Variants in STARD13 observed in about 807,000 individuals in gnomAD.
STARD13 encodes stAR-related lipid transfer protein 13.
In STARD13, 62 loss-of-function variants were observed where a neutral mutation model predicts 106.4. The ratio of observed to expected loss-of-function variants is 0.58; its 90% confidence interval spans 0.48 to 0.72. STARD13 has a LOEUF of 0.72. Among genes scored for constraint, STARD13 ranks in the 30% least tolerant of loss-of-function variants. The pLI is 0.00. For missense variants in STARD13, 1,387 were observed against 1,424.0 expected, an observed-to-expected ratio of 0.97 and a Z score of 0.42; for synonymous variants, 565 against 553.0, an observed-to-expected ratio of 1.02 and a Z score of -0.31.
At chr13:33,327,685 A>G (rs1343904593) in intron 1 of STARD13, among the ~76,000 whole-genome samples, 1 of 152,254 alleles carries the variant, frequency 6.6e-6, no homozygotes, top group Non-Finnish European at 1.5e-5. Context: ...GGTGATTTTT[A>G]TAATCAGTAT....
chr13:33,431,744 C>T, the STARD13 span, among the ~76,000 whole-genome samples: 1 of 152,102 alleles, frequency 6.6e-6, no homozygotes, highest in Admixed American at 6.6e-5. Context: ...TATTGCTTAC[C>T]TTACAGGGTG....
intron 1 of STARD13, among the ~76,000 whole-genome samples, chr13:33,200,626 C>T (rs1382940318): frequency 6.6e-6 from 1 of 152,196 alleles, no homozygotes; most frequent in East Asian, 1.9e-4. Flanking sequence ...TGGAAGTTGG[C>T]ACTCCTTCAC....
the STARD13 span, among the ~76,000 whole-genome samples, chr13:33,628,947 C>T: frequency 6.6e-6 from 1 of 152,212 alleles, no homozygotes; most frequent in African/African-American, 2.4e-5. Flanking sequence ...TGCTCAGTGC[C>T]AATGATCAAT....
At chr13:33,316,771 C>T (rs532159914) in intron 1 of STARD13, among the ~76,000 whole-genome samples, 29 of 152,300 alleles carry the variant, frequency 1.9e-4, no homozygotes, top group Admixed American at 4.6e-4. Context: ...TCTTCATCTC[C>T]CTCTCTATCC....
At chr13:33,331,701 G>T (rs1414787405) in intron 1 of STARD13, among the ~76,000 whole-genome samples, 1 of 151,910 alleles carries the variant, frequency 6.6e-6, no homozygotes, top group African/African-American at 2.4e-5. Context: ...CTTGTCCTAA[G>T]TTCCTTGAGT....
chr13:33,111,697 C>G, intron 10 of STARD13, 81 bp downstream of exon 10: 3 of 852,822 alleles, frequency 3.5e-6, no homozygotes, highest in Admixed American at 3.9e-5. Context: ...AGATAGAAAC[C>G]ATAAATGTAG....
At chr13:33,230,955 G>A (rs1226548789) in intron 1 of STARD13, among the ~76,000 whole-genome samples, 1 of 152,116 alleles carries the variant, frequency 6.6e-6, no homozygotes, top group Non-Finnish European at 1.5e-5. Flanking sequence ...GAATGTTGTG[G>A]GCATATAAAG....
intron 1 of STARD13, among the ~76,000 whole-genome samples, chr13:33,293,371 T>C (rs1247426736): frequency 6.6e-6 from 1 of 152,202 alleles, no homozygotes; most frequent in Non-Finnish European, 1.5e-5. Context: ...GAATAAATGA[T>C]TATATGAATT....
the STARD13 span, among the ~76,000 whole-genome samples, chr13:33,632,585 AG>A: frequency 6.6e-6 from 1 of 152,194 alleles, no homozygotes; most frequent in African/African-American, 2.4e-5. Context: ...TGGGAGCAAA[AG>A]CTTTTGGTGC....
intron 1 of STARD13, among the ~76,000 whole-genome samples, chr13:33,256,136 G>T (rs1421466705): frequency 6.6e-6 from 1 of 152,150 alleles, no homozygotes; most frequent in African/African-American, 2.4e-5. Context: ...TTCAAATTTG[G>T]CTTCGTGGCG....
the STARD13 span, among the ~76,000 whole-genome samples, chr13:33,422,365 A>C: frequency 5.3e-5 from 8 of 150,276 alleles, no homozygotes; most frequent in African/African-American, 2.0e-4. Context: ...AAGAGAATAA[A>C]ATACCTAGGA....
chr13:33,488,664 A>G, the STARD13 span, among the ~76,000 whole-genome samples: 6 of 152,206 alleles, frequency 3.9e-5, no homozygotes, highest in African/African-American at 1.4e-4. Flanking sequence ...TGATCATACA[A>G]ACACTTTCAA....
chr13:33,250,414 A>G (rs1890043152), intron 1 of STARD13, among the ~76,000 whole-genome samples: 1 of 152,202 alleles, frequency 6.6e-6, no homozygotes, highest in Non-Finnish European at 1.5e-5. Flanking sequence ...ATTCTCGCAA[A>G]AACAGTATTC....
In STARD13 at chr13:33,127,461, G is replaced by A; in HGVS notation, c.1834C>T (p.Gln612Ter). ...GAGAAGCGCTGGAGCAGGCTCAGCTGGCTGGCCGTCTGGCTGCTGATGTGG... is the reference window on the plus strand; with the variant it reads ...GAGAAGCGCTGGAGCAGGCTCAGCTAGCTGGCCGTCTGGCTGCTGATGTGG... ...SPHISSQTAS[Q>*]LSLLQRFSLL... Residue 612 changes from glutamine to a stop codon, truncating the protein, a stop_gained, in exon 6 of 14, where the codon CAG becomes TAG. Coordinates refer to ENST00000336934, the MANE Select transcript of STARD13 (RefSeq NM_178006.4). LOFTEE classifies it high-confidence loss of function. 6.2e-7 allele frequency: 1 copy of A among 1,600,636 alleles called. No homozygotes were observed. The highest frequency in any genetic ancestry group is 8.5e-7 in the Non-Finnish European group (1 of 1,177,922).
At chr13:33,661,312 A>G in the STARD13 span, 1 of 152,244 alleles carries the variant, frequency 6.6e-6, no homozygotes, top group Non-Finnish European at 1.5e-5. Flanking sequence ...GCAGAAGCAG[A>G]CTTCGGTAGT....
chr13:33,521,520 A>C, the STARD13 span, among the ~76,000 whole-genome samples: 1 of 152,138 alleles, frequency 6.6e-6, no homozygotes, highest in Non-Finnish European at 1.5e-5. Flanking sequence ...TTCCTCTGCC[A>C]CATGGGCCCC....
the STARD13 span, among the ~76,000 whole-genome samples, chr13:33,672,175 C>T: frequency 5.9e-5 from 9 of 152,294 alleles, no homozygotes; most frequent in East Asian, 1.7e-3. Flanking sequence ...CCATGGAATA[C>T]TATGCAGCCA....
At chr13:33,478,421 A>G in the STARD13 span, among the ~76,000 whole-genome samples, 1 of 152,308 alleles carries the variant, frequency 6.6e-6, no homozygotes, top group East Asian at 1.9e-4. Context: ...ATCACCCAAA[A>G]TATTTTTTCA....
chr13:33,662,058 C>A, the STARD13 span, among the ~76,000 whole-genome samples: 25 of 151,830 alleles, frequency 1.6e-4, no homozygotes, highest in Non-Finnish European at 3.1e-4. Flanking sequence ...GTCAGGAGAT[C>A]GAGACCATCC....
Sources: gnomAD v4.1 joint callset for allele counts (sites outside exome capture counted in the v4.1 genomes callset) on GRCh38, gnomAD v4.1.1 for gene constraint, MANE v1.5 for transcripts, NCBI Gene and HGNC (gene_info 2026-07-23, HGNC 2026-07-21) for gene names.